Variants in KCNN2 observed in about 807,000 individuals in gnomAD.
The protein encoded by KCNN2 is small conductance calcium-activated potassium channel protein 2.
In KCNN2, 24 loss-of-function variants were observed where a neutral mutation model predicts 55.5. The observed-to-expected ratio is 0.43, with a 90% CI of 0.31 to 0.61. KCNN2 has a LOEUF of 0.61. KCNN2 is among the 20% of genes least tolerant of loss of function. KCNN2 has a pLI of 0.08. For synonymous variants in KCNN2, 431 were observed against 336.1 expected (o/e 1.28, Z -3.09); for missense variants, 754 against 853.6 (o/e 0.88, Z 1.45).
chr5:114,226,990 G>A (rs4705640), intron 2 of KCNN2, among the ~76,000 whole-genome samples: 123,771 of 151,494 alleles, frequency 0.82, 50,675 homozygotes, highest in East Asian at 0.9. Context: ...TTTTTTTCAT[G>A]TAGTGGATTA....
intron 2 of KCNN2, among the ~76,000 whole-genome samples, chr5:114,272,788 AT>A (rs549502950): frequency 7.2e-5 from 11 of 152,076 alleles, no homozygotes; most frequent in Non-Finnish European, 1.2e-4. Flanking sequence ...TTAAAGTTGT[AT>A]TTAGTTTATT....
At chr5:114,178,512 C>G (rs924853258) in intron 1 of KCNN2, among the ~76,000 whole-genome samples, 3 of 152,174 alleles carry the variant, frequency 2.0e-5, no homozygotes, top group Non-Finnish European at 2.9e-5. Flanking sequence ...CTGTAGGTGA[C>G]AAATTCCAGA....
intron 1 of KCNN2, among the ~76,000 whole-genome samples, chr5:114,157,900 T>C (rs1752673658): frequency 6.6e-6 from 1 of 151,916 alleles, no homozygotes; most frequent in Non-Finnish European, 1.5e-5. Context: ...ATTCTGGATA[T>C]TAGCCCTTTG....
chr5:114,060,278 C>T (rs1440527756), intron 1 of KCNN2, among the ~76,000 whole-genome samples: 1 of 152,232 alleles, frequency 6.6e-6, no homozygotes, highest in Admixed American at 6.5e-5. Context: ...CCACCACATC[C>T]CATGCCCTTG....
chr5:114,456,969 C>T (rs2150109769), intron 3 of KCNN2, among the ~76,000 whole-genome samples: 1 of 152,278 alleles, frequency 6.6e-6, no homozygotes, highest in East Asian at 1.9e-4. Flanking sequence ...ATGCTGTGAA[C>T]ATTGTTGAAA....
At chr5:114,313,988 G>T (rs888119043) in intron 2 of KCNN2, among the ~76,000 whole-genome samples, 1 of 151,952 alleles carries the variant, frequency 6.6e-6, no homozygotes. Context: ...AATCAACTTC[G>T]ATGAACGTTT....
chr5:114,353,556 G>T (rs1207392769), intron 2 of KCNN2, among the ~76,000 whole-genome samples: 1 of 151,912 alleles, frequency 6.6e-6, no homozygotes, highest in Non-Finnish European at 1.5e-5. Context: ...TTTTCTGTGT[G>T]TGTGTAGATT....
At chr5:114,352,510 T>C (rs1757226881) in intron 2 of KCNN2, among the ~76,000 whole-genome samples, 2 of 151,880 alleles carry the variant, frequency 1.3e-5, no homozygotes, top group Admixed American at 6.6e-5. Flanking sequence ...TAAAGTAATA[T>C]GTTAGCTTAT....
At chr5:114,423,395 A>C (rs1759526951) in intron 3 of KCNN2, among the ~76,000 whole-genome samples, 1 of 152,206 alleles carries the variant, frequency 6.6e-6, no homozygotes, top group Non-Finnish European at 1.5e-5. Context: ...AGCCTAAATA[A>C]AGAGGCTAAT....
At chr5:114,247,202 C>CAAAAAAA (rs370172975) in intron 2 of KCNN2, among the ~76,000 whole-genome samples, 1,229 of 67,856 alleles carry the variant, frequency 0.018, 29 homozygotes, top group African/African-American at 0.053. Flanking sequence ...CATATGTCTC[C>CAAAAAAA]AAAAAAAAAA....
chr5:114,431,051 G>A (rs541015670), intron 3 of KCNN2, among the ~76,000 whole-genome samples: 4 of 152,052 alleles, frequency 2.6e-5, no homozygotes, highest in East Asian at 1.9e-4. Flanking sequence ...ATAGTCTTAC[G>A]TCCTTATAAT....
At chr5:114,166,102 G>A (rs1752905876) in intron 1 of KCNN2, among the ~76,000 whole-genome samples, 1 of 151,744 alleles carries the variant, frequency 6.6e-6, no homozygotes. Flanking sequence ...GTGTTAGTTA[G>A]GATGGTCTCA....
chr5:114,396,054 A>G (rs79505807), intron 2 of KCNN2, among the ~76,000 whole-genome samples: 6,562 of 152,222 alleles, frequency 0.043, 159 homozygotes, highest in Middle Eastern at 0.065. Context: ...TATTTCTTAC[A>G]TTCCTTGCCT....
intron 2 of KCNN2, among the ~76,000 whole-genome samples, chr5:114,251,616 A>G (rs913984151): frequency 6.6e-6 from 1 of 152,182 alleles, no homozygotes; most frequent in African/African-American, 2.4e-5. Context: ...TACATTCAGT[A>G]AGTTCTTGAC....
intron 1 of KCNN2, among the ~76,000 whole-genome samples, chr5:114,217,292 C>T (rs1331756994): frequency 6.6e-6 from 1 of 151,968 alleles, no homozygotes; most frequent in Non-Finnish European, 1.5e-5. Flanking sequence ...CCACAACAGC[C>T]AACACAATAC....
At chr5:114,244,471 C>T (rs1754711787) in intron 2 of KCNN2, among the ~76,000 whole-genome samples, 1 of 151,934 alleles carries the variant, frequency 6.6e-6, no homozygotes, top group Non-Finnish European at 1.5e-5. Context: ...GTGGCGGGCA[C>T]CTGTGATCCC....
At chr5:114,123,912 A>C (rs1324111756) in intron 1 of KCNN2, among the ~76,000 whole-genome samples, 1 of 152,198 alleles carries the variant, frequency 6.6e-6, no homozygotes, top group Non-Finnish European at 1.5e-5. Context: ...GGGCTACACC[A>C]GGTCTTGTCA....
intron 1 of KCNN2, among the ~76,000 whole-genome samples, chr5:114,116,962 G>T (rs185797672): frequency 1.8e-4 from 28 of 152,196 alleles, no homozygotes; most frequent in Admixed American, 3.9e-4. Context: ...CAGTCAGACA[G>T]GTCTTGTTTG....
intron 2 of KCNN2, among the ~76,000 whole-genome samples, chr5:114,322,763 A>G (rs954591252): frequency 3.3e-5 from 5 of 152,176 alleles, no homozygotes; most frequent in Non-Finnish European, 7.4e-5. Context: ...GCTAAGTATA[A>G]CTTTACATTT....
Sources: gnomAD v4.1 joint callset for allele counts (sites outside exome capture counted in the v4.1 genomes callset) on GRCh38, gnomAD v4.1.1 for gene constraint, MANE v1.5 for transcripts, NCBI Gene and HGNC (gene_info 2026-07-23, HGNC 2026-07-21) for gene names.